USH1C: variants seen among roughly 807,000 people sequenced by gnomAD.
USH1C encodes harmonin.
USH1C carries 90 observed loss-of-function variants against 119.3 expected under a neutral mutation model. That is an observed-to-expected ratio of 0.75 (90% confidence interval 0.64 to 0.90). The LOEUF (loss-of-function observed/expected upper bound fraction) is 0.90, where lower values mean the gene tolerates loss of function less well. Among genes scored for constraint, USH1C ranks in the 40% least tolerant of loss-of-function variants. The pLI is 0.00. For synonymous variants in USH1C, 465 were observed against 443.3 expected (o/e 1.05, Z -0.62); for missense variants, 1,165 against 1,167.7 (o/e 1.00, Z 0.03).
intron 9 of USH1C, among the ~76,000 whole-genome samples, chr11:17,524,018 A>G (rs1850546311): frequency 6.6e-6 from 1 of 152,202 alleles, no homozygotes; most frequent in Admixed American, 6.5e-5. Flanking sequence ...TTGGGATTGG[A>G]CCACCTAGGT....
chr11:17,521,285 C>T, intron 13 of USH1C, 61 bp downstream of exon 13: 4 of 1,584,894 alleles, frequency 2.5e-6, no homozygotes, highest in Non-Finnish European at 3.5e-6. Flanking sequence ...CTCTGGTTGG[C>T]CACACTCCCC....
chr11:17,495,720 T>C, intron 25 of USH1C, 43 bp from the exon 26 acceptor site: 2 of 1,603,724 alleles, frequency 1.2e-6, no homozygotes, highest in Non-Finnish European at 1.7e-6. Flanking sequence ...ACAGGCTTGG[T>C]TACTCCCAGG....
At chr11:17,514,218 T>C (rs1316680794) in intron 15 of USH1C, among the ~76,000 whole-genome samples, 6 of 152,142 alleles carry the variant, frequency 3.9e-5, no homozygotes, top group Non-Finnish European at 1.5e-5. Flanking sequence ...AATCTTTATA[T>C]TATTATTATT....
chr11:17,504,963 G>A (rs1262111786), intron 19 of USH1C, among the ~76,000 whole-genome samples: 1 of 152,220 alleles, frequency 6.6e-6, no homozygotes, highest in East Asian at 1.9e-4. Context: ...TTGCTCTCTG[G>A]GGAGCTGACG....
intron 14 of USH1C, chr11:17,517,559 G>A: frequency 7.3e-7 from 1 of 1,365,470 alleles, no homozygotes. Context: ...AGGAGTTTGG[G>A]GACCTGTAAT....
At chr11:17,507,643 G>T (rs1849702261) in intron 18 of USH1C, among the ~76,000 whole-genome samples, 1 of 152,352 alleles carries the variant, frequency 6.6e-6, no homozygotes, top group Non-Finnish European at 1.5e-5. Flanking sequence ...ATAGGTAGCT[G>T]CCATTAGCAT....
chr11:17,536,228 A>T (rs2133941305), intron 1 of USH1C, among the ~76,000 whole-genome samples: 1 of 152,288 alleles, frequency 6.6e-6, no homozygotes, highest in South Asian at 2.1e-4. Flanking sequence ...CCTAGTTATA[A>T]CCCTGGGTGG....
chr11:17,508,315 C>T (rs1021914752), intron 18 of USH1C, among the ~76,000 whole-genome samples: 2 of 152,220 alleles, frequency 1.3e-5, no homozygotes, highest in Non-Finnish European at 2.9e-5. Context: ...GAAGCTTCAG[C>T]CTTGCTGGCA....
At chr11:17,537,747 C>T (rs1301574904) in intron 1 of USH1C, among the ~76,000 whole-genome samples, 1 of 152,212 alleles carries the variant, frequency 6.6e-6, no homozygotes, top group African/African-American at 2.4e-5. Context: ...GCCTGAGTCT[C>T]TTTCTGTCTG....
chr11:17,509,894 A>G (rs1302206016), intron 17 of USH1C, 56 bp from the exon 18 acceptor site: 3 of 1,551,964 alleles, frequency 1.9e-6, no homozygotes. Context: ...GCTCCACTTC[A>G]CAATACAGCG....
intron 15 of USH1C, 129 bp downstream of exon 15, chr11:17,516,112 G>A: frequency 1.0e-6 from 1 of 1,004,438 alleles, no homozygotes; most frequent in Admixed American, 2.0e-5. Flanking sequence ...GATGGAGATG[G>A]AGTTAGCCTT....
At chr11:17,521,809 T>C (rs1260244033) in intron 12 of USH1C, among the ~76,000 whole-genome samples, 18 of 152,304 alleles carry the variant, frequency 1.2e-4, no homozygotes, top group South Asian at 8.3e-4. Flanking sequence ...GGGGACAGCC[T>C]TTCCTCTTTC....
At chr11:17,535,946 T>A (rs1851217937) in intron 1 of USH1C, among the ~76,000 whole-genome samples, 2 of 152,222 alleles carry the variant, frequency 1.3e-5, no homozygotes, top group Admixed American at 1.3e-4. Flanking sequence ...CCATTGATTG[T>A]GACTCAGGCC....
In USH1C at chr11:17,509,389, A is replaced by T; in HGVS notation, c.1980T>A (p.Pro660=). ...TGGGTGGGAAGCTCTGTTCAGGGAC[A>T]GGGGAGTTAGTGGGCTTCCCACTGT... The part of the protein sequence containing the change: ...KNHSGKPTNS[P]VPEQSFPPTP... Residue 660 remains proline, a synonymous_variant, in exon 18 of 27, where the codon CCT becomes CCA. Transcript: ENST00000005226. 1 of 1,594,722 alleles carries T rather than the reference A, an allele frequency of 6.3e-7. No homozygotes were observed. The highest frequency in any genetic ancestry group is 1.1e-5 in the South Asian group (1 of 88,152).
chr11:17,531,651 G>C lies in USH1C; in HGVS notation c.105-109C>G. ...GCCACTGGGCCCAGGCTTAGGAATG[G>C]AGTAGACCACTCCTGAAAAGCCCAG... On this transcript the variant is annotated intron_variant, in intron 2 of 26. Coordinates refer to ENST00000005226, the MANE Select transcript of USH1C (RefSeq NM_153676.4). This position sits in a 1 kb window ranked among gnomAD's most constrained non-coding sequence, Gnocchi z 4.2. 7.0e-7 allele frequency: 1 copy of C among 1,430,636 alleles called. No individual in the cohort carries two copies. Among genetic ancestry groups the C allele is most frequent in the Non-Finnish European group, 9.6e-7 (1 of 1,046,500 alleles). The allele number at this position is 1,430,636 out of a possible 1,614,324, so 88.6% of individuals were successfully genotyped here.
intron 15 of USH1C, among the ~76,000 whole-genome samples, chr11:17,515,881 G>A (rs1273122768): frequency 1.3e-5 from 2 of 152,174 alleles, no homozygotes; most frequent in East Asian, 1.9e-4. Context: ...CACCCACTCC[G>A]ATAATTTGCT....
chr11:17,501,023 A>T (rs773032146), intron 23 of USH1C, 28 bp downstream of exon 23: 7 of 1,599,772 alleles, frequency 4.4e-6, no homozygotes, highest in Non-Finnish European at 5.1e-6. Context: ...ATCATCCCCA[A>T]ACCTGGGTGT....
At chr11:17,505,373 G>C (rs1356276928) in intron 19 of USH1C, among the ~76,000 whole-genome samples, 1 of 152,266 alleles carries the variant, frequency 6.6e-6, no homozygotes, top group Non-Finnish European at 1.5e-5. Flanking sequence ...GTAACAGCGT[G>C]GGCTTTGGAG....
At chr11:17,501,030 G>C (rs751164429) in intron 23 of USH1C, 21 bp downstream of exon 23, 3 of 1,604,524 alleles carry the variant, frequency 1.9e-6, no homozygotes, top group Non-Finnish European at 2.6e-6. Context: ...CCAAACCTGG[G>C]TGTGGCTAGT....
Sources: gnomAD v4.1 joint callset for allele counts (sites outside exome capture counted in the v4.1 genomes callset) on GRCh38, gnomAD v4.1.1 for gene constraint, Gnocchi (gnomAD v3.1) non-coding constraint, MANE v1.5 for transcripts, NCBI Gene and HGNC (gene_info 2026-07-23, HGNC 2026-07-21) for gene names.